The following HPCAL1 variants were observed in gnomAD, a reference collection of about 807,000 sequenced individuals.
HPCAL1 encodes the protein hippocalcin like 1.
In HPCAL1, 8 loss-of-function variants were observed where a neutral mutation model predicts 17.1. The observed-to-expected ratio is 0.47, with a 90% confidence interval of 0.27 to 0.84. The LOEUF is 0.84. Ranked by LOEUF, HPCAL1 falls within the 40% of genes least tolerant of loss-of-function variation. The pLI is 0.13. For missense variants in HPCAL1, 165 were observed against 271.1 expected (o/e 0.61, Z 2.75); for synonymous variants, 112 against 111.4 (o/e 1.01, Z -0.03).
In HPCAL1 at chr2:10,377,864, G is replaced by C. The variant is rs973510917; in HGVS notation, c.-110-18971G>C. On this transcript the variant is annotated intron_variant, in intron 1 of 4. Coordinates refer to ENST00000307845, the MANE Select transcript of HPCAL1 (RefSeq NM_002149.4). The surrounding 1 kb of genome is among the most constrained non-coding windows in gnomAD (Gnocchi z 5.9). ...GGCACGGGGGAGGGTATTCAAGGGCGGCAAGCCACCAAGGGGACGGGGCAG... is the reference window on the plus strand; with the variant it reads ...GGCACGGGGGAGGGTATTCAAGGGCCGCAAGCCACCAAGGGGACGGGGCAG... Among the ~76,000 whole-genome samples the C allele has an allele frequency of 6.6e-6, 1 of 152,204 alleles. No homozygotes were observed. The highest frequency in any genetic ancestry group is 1.5e-5 in the Non-Finnish European group (1 of 68,038).
At chr2:10,360,739 A>G (rs1666471370) in intron 1 of HPCAL1, among the ~76,000 whole-genome samples, 1 of 152,038 alleles carries the variant, frequency 6.6e-6, no homozygotes. Context: ...TCCTTTGGAA[A>G]ATGAATCTCC....
intron 1 of HPCAL1, among the ~76,000 whole-genome samples, chr2:10,332,651 G>T (rs1384464363): frequency 6.6e-6 from 1 of 152,202 alleles, no homozygotes; most frequent in African/African-American, 2.4e-5. Context: ...GACCTTATCA[G>T]CAGGGGAGAG....
At chr2:10,373,522 C>T (rs1346559635) in intron 1 of HPCAL1, among the ~76,000 whole-genome samples, 1 of 152,108 alleles carries the variant, frequency 6.6e-6, no homozygotes, top group East Asian at 1.9e-4. Context: ...ATTGGGTGCT[C>T]AGCGGATCTC....
In HPCAL1 at chr2:10,323,865, T is replaced by C. The variant is rs968073717; in HGVS notation, c.-111+20688T>C. 2.6e-5 allele frequency among the ~76,000 whole-genome samples: 4 copies of C among 152,228 alleles called. No individual in the cohort carries two copies. The highest frequency in any genetic ancestry group is 9.6e-5 in the African/African-American group (4 of 41,460). On this transcript the variant is annotated intron_variant, in intron 1 of 4. Transcript: ENST00000307845. This position sits in a 1 kb window ranked among gnomAD's most constrained non-coding sequence, Gnocchi z 4.6. The stretch of plus-strand genomic sequence containing the variant: ...AACTTCCATATACACTTCCACTGGC[T>C]ACTTCATGGAAACATCTGGAACATC...
intron 1 of HPCAL1, among the ~76,000 whole-genome samples, chr2:10,328,102 G>A (rs78441986): frequency 0.071 from 10,772 of 152,284 alleles, 471 homozygotes; most frequent in Middle Eastern, 0.092. Flanking sequence ...GGGGACAGTG[G>A]CACATGCCTG....
Position 10,348,626 on chromosome 2 carries a change from T to TAA in HPCAL1, c.-111+45451_-111+45452dup, listed in dbSNP as rs144777297. Among the ~76,000 whole-genome samples, 456 of 150,192 alleles carry TAA rather than the reference T, an allele frequency of 3.0e-3. 7 individuals are homozygous for TAA. Among genetic ancestry groups the TAA allele is most frequent in the African/African-American group, 0.011 (434 of 40,828 alleles). ...AAAAAAAAAAAAATATATATATATA[T>TAA]AAATTAGCCAGGCAGGGTGATGTGC... On this transcript the variant is annotated intron_variant, in intron 1 of 4. Coordinates refer to ENST00000307845, the MANE Select transcript of HPCAL1 (RefSeq NM_002149.4).
chr2:10,347,001 C>CA (rs1317423771), intron 1 of HPCAL1, among the ~76,000 whole-genome samples: 3 of 91,474 alleles, frequency 3.3e-5, no homozygotes, highest in African/African-American at 1.3e-4. Flanking sequence ...TATTTGTTTG[C>CA]AGAGTGGTGC....
chr2:10,312,533 C>T (rs552068157), intron 1 of HPCAL1, among the ~76,000 whole-genome samples: 1 of 151,686 alleles, frequency 6.6e-6, no homozygotes, highest in Non-Finnish European at 1.5e-5. Flanking sequence ...CCATCATCAT[C>T]ACCACCACCA....
chr2:10,391,878 A>T (rs1041124631), intron 1 of HPCAL1, among the ~76,000 whole-genome samples: 1 of 152,128 alleles, frequency 6.6e-6, no homozygotes, highest in African/African-American at 2.4e-5. Context: ...CCTCCGGAGT[A>T]GCTGGGATTA....
intron 1 of HPCAL1, among the ~76,000 whole-genome samples, chr2:10,352,650 C>A (rs1665906781): frequency 6.6e-6 from 1 of 152,210 alleles, no homozygotes; most frequent in Non-Finnish European, 1.5e-5. Context: ...CTCTCCTTCG[C>A]ATGGGTGTCT....
chr2:10,338,540 GGTGTCACGGAGCGGGACCT>G (rs1489528058), intron 1 of HPCAL1, among the ~76,000 whole-genome samples: 1 of 152,186 alleles, frequency 6.6e-6, no homozygotes, highest in African/African-American at 2.4e-5. Context: ...GGCTGGGGCA[GGTGTCACGGAGCGGGACCT>G]GTGATTGTTC....
At position 10,394,179 on chromosome 2, in the gene HPCAL1, A is replaced by G. The variant is rs1011346741; in HGVS notation, c.-110-2656A>G. Among the ~76,000 whole-genome samples, 6 of 152,074 alleles carry G rather than the reference A, an allele frequency of 3.9e-5. No individual in the cohort carries two copies. The highest frequency in any genetic ancestry group is 2.6e-4 in the Admixed American group (4 of 15,258). Reference sequence around the variant, plus strand: ...CCAGAGCAGCTGAAAAGAACAGAGCATGGGTTTGGGGATTTGTGTTTTGGG... The same window carrying G: ...CCAGAGCAGCTGAAAAGAACAGAGCGTGGGTTTGGGGATTTGTGTTTTGGG... On this transcript the variant is annotated intron_variant, in intron 1 of 4. Transcript: ENST00000307845. The surrounding 1 kb of genome is among the most constrained non-coding windows in gnomAD (Gnocchi z 5.0).
rs922518582 is a variant in HPCAL1 at position 10,425,144 on chromosome 2, GAC to G, written c.485-1578_485-1577del. ...GCTGGCCTGCTCTCTCTCGGCCTGA[GAC>G]AGGAGGGCCTGGGGTCAGGAACTGG... On this transcript the variant is annotated intron_variant, in intron 4 of 4. Transcript: ENST00000307845. 1.8e-3 allele frequency: 286 copies of G among 157,202 alleles called. 1 individual carries two copies. The highest frequency in any genetic ancestry group is 6.0e-3 in the African/African-American group (248 of 41,660). The allele number at this position is 157,202 out of a possible 1,614,324, so 9.7% of individuals were successfully genotyped here. A position where few individuals can be genotyped will look rare whatever the true frequency, so the allele number is the denominator to read the frequency against.
Position 10,367,551 on chromosome 2 carries a change from G to A in HPCAL1, c.-110-29284G>A, listed in dbSNP as rs970377244. Among the ~76,000 whole-genome samples the A allele has an allele frequency of 2.6e-5, 4 of 152,166 alleles. No individual in the cohort carries two copies. Among genetic ancestry groups the A allele is most frequent in the Non-Finnish European group, 5.9e-5 (4 of 68,038 alleles). ...ATCTCCAATTCATACATTTCAGAAA[G>A]TATAATAATATGTAAAGCAAAATCA... On this transcript the variant is annotated intron_variant, in intron 1 of 4. Transcript: ENST00000307845. This position sits in a 1 kb window ranked among gnomAD's most constrained non-coding sequence, Gnocchi z 4.4.
chr2:10,402,196 G>C (rs1196022245), intron 2 of HPCAL1, among the ~76,000 whole-genome samples: 1 of 152,144 alleles, frequency 6.6e-6, no homozygotes, highest in African/African-American at 2.4e-5. Context: ...CACCGCACCC[G>C]GCCAGGAACT....
At chr2:10,353,620 T>G (rs568706464) in intron 1 of HPCAL1, among the ~76,000 whole-genome samples, 2 of 152,296 alleles carry the variant, frequency 1.3e-5, no homozygotes, top group Non-Finnish European at 1.5e-5. Context: ...CAGGCTGGAG[T>G]GCAGTGACAT....
chr2:10,311,947 A>G (rs1458212853), intron 1 of HPCAL1, among the ~76,000 whole-genome samples: 1 of 151,588 alleles, frequency 6.6e-6, no homozygotes, highest in Non-Finnish European at 1.5e-5. Context: ...CATCACTGTC[A>G]TCATCACCAT....
chr2:10,372,737 G>C (rs941065241), intron 1 of HPCAL1, among the ~76,000 whole-genome samples: 1 of 152,242 alleles, frequency 6.6e-6, no homozygotes, highest in African/African-American at 2.4e-5. Context: ...CTGCTCCTCA[G>C]AAGGGCATCA....
chr2:10,339,629 G>A (rs557379753), intron 1 of HPCAL1, among the ~76,000 whole-genome samples: 2 of 152,302 alleles, frequency 1.3e-5, no homozygotes, highest in Non-Finnish European at 2.9e-5. Flanking sequence ...GATTACAGGC[G>A]TGAGCCACCG....
Sources: gnomAD v4.1 joint callset for allele counts (sites outside exome capture counted in the v4.1 genomes callset) on GRCh38, gnomAD v4.1.1 for gene constraint, Gnocchi (gnomAD v3.1) non-coding constraint, MANE v1.5 for transcripts, NCBI Gene and HGNC (gene_info 2026-07-23, HGNC 2026-07-21) for gene names.